Variants in RBFOX1 observed in about 807,000 individuals in gnomAD.
RBFOX1 encodes the protein RNA binding fox-1 homolog 1.
Under a neutral mutation model 57.7 loss-of-function variants are expected in RBFOX1, and 8 were observed. The ratio of observed to expected loss-of-function variants is 0.14; its 90% CI spans 0.08 to 0.25. RBFOX1 has a LOEUF of 0.25. Ranked by LOEUF, RBFOX1 falls within the 10% of genes least tolerant of loss-of-function variation. The pLI is 1.00. For synonymous variants in RBFOX1, 326 were observed against 222.4 expected (o/e 1.47, Z -4.15); for missense variants, 611 against 548.5 (o/e 1.11, Z -1.14).
intron 4 of RBFOX1, among the ~76,000 whole-genome samples, chr16:7,515,651 G>A (rs117664234): frequency 0.021 from 3,175 of 152,202 alleles, 49 homozygotes; most frequent in Non-Finnish European, 0.032. Context: ...TTAAAATATG[G>A]GACATTTACT....
intron 4 of RBFOX1, among the ~76,000 whole-genome samples, chr16:5,951,997 G>A (rs1191744181): frequency 6.7e-6 from 1 of 150,264 alleles, no homozygotes; most frequent in Non-Finnish European, 1.5e-5. Context: ...ATATATATAT[G>A]TGTGTGTGTA....
chr16:6,695,125 G>GA (rs758550750), intron 3 of RBFOX1, among the ~76,000 whole-genome samples: 88 of 151,592 alleles, frequency 5.8e-4, no homozygotes, highest in Middle Eastern at 6.8e-3. Context: ...GTGTAAAAAG[G>GA]AAAAAAAACA....
chr16:6,132,781 G>T (rs1383491642), intron 1 of RBFOX1, among the ~76,000 whole-genome samples: 5 of 152,078 alleles, frequency 3.3e-5, no homozygotes, highest in Non-Finnish European at 7.4e-5. Context: ...TAGGTCAGGA[G>T]TTCAAGACCA....
chr16:6,714,894 G>T (rs544876304), intron 3 of RBFOX1, among the ~76,000 whole-genome samples: 3 of 152,270 alleles, frequency 2.0e-5, no homozygotes, highest in African/African-American at 7.2e-5. Context: ...AAGGCACCTG[G>T]AAATAAGGAA....
At chr16:6,816,916 T>C (rs1258175396) in intron 3 of RBFOX1, among the ~76,000 whole-genome samples, 1 of 151,952 alleles carries the variant, frequency 6.6e-6, no homozygotes, top group African/African-American at 2.4e-5. Flanking sequence ...AGCTGTTTTT[T>C]TTGTATTTTT....
chr16:5,297,644 G>T (rs1173087621), intron 1 of RBFOX1, among the ~76,000 whole-genome samples: 1 of 152,004 alleles, frequency 6.6e-6, no homozygotes, highest in African/African-American at 2.4e-5. Flanking sequence ...ATATATTCTA[G>T]CCTTATCAGA....
intron 3 of RBFOX1, among the ~76,000 whole-genome samples, chr16:6,786,619 G>A (rs1290484284): frequency 6.6e-6 from 1 of 152,158 alleles, no homozygotes; most frequent in Non-Finnish European, 1.5e-5. Flanking sequence ...TCCTTATGAA[G>A]GGGATGAGGA....
chr16:5,283,663 C>T (rs1329961110), intron 1 of RBFOX1, among the ~76,000 whole-genome samples: 2 of 152,150 alleles, frequency 1.3e-5, no homozygotes, highest in Non-Finnish European at 2.9e-5. Flanking sequence ...TTGCGTGGGG[C>T]CTGTAGCCCC....
intron 2 of RBFOX1, chr16:6,483,241 G>T: frequency 3.2e-6 from 4 of 1,245,952 alleles, no homozygotes; most frequent in South Asian, 5.1e-5. Context: ...TGGCGCCGCC[G>T]TGGCCTCCCT....
intron 5 of RBFOX1, among the ~76,000 whole-genome samples, chr16:7,542,807 C>G (rs2083312973): frequency 1.6e-5 from 1 of 63,814 alleles, no homozygotes; most frequent in Admixed American, 1.2e-4. Context: ...GCAAGACTGT[C>G]TGAGGAAAAA....
At position 6,422,623 on chromosome 16, in the gene RBFOX1, G is replaced by A. The variant is rs543615617; in HGVS notation, c.-64+105566G>A. Among the ~76,000 whole-genome samples, 9 of 152,250 alleles carry A rather than the reference G, an allele frequency of 5.9e-5. No individual in the cohort carries two copies. The South Asian group carries it at 6.2e-4, about 11-fold the overall frequency. On this transcript the variant is annotated intron_variant, in intron 2 of 15. Coordinates refer to ENST00000550418, the MANE Select transcript of RBFOX1 (RefSeq NM_018723.4). Reference sequence around the variant, plus strand: ...TCCAATCATGGCAGAAGACAAAGGCGGAGTAAGGTGACTCACATGGCAGGA... The same window carrying A: ...TCCAATCATGGCAGAAGACAAAGGCAGAGTAAGGTGACTCACATGGCAGGA...
At chr16:6,821,099 C>T (rs540236787) in intron 3 of RBFOX1, among the ~76,000 whole-genome samples, 2 of 152,280 alleles carry the variant, frequency 1.3e-5, no homozygotes, top group African/African-American at 2.4e-5. Flanking sequence ...AAGTATCAAG[C>T]CACTACACCA....
intron 1 of RBFOX1, among the ~76,000 whole-genome samples, chr16:5,316,865 T>A (rs1285493323): frequency 1.3e-5 from 2 of 152,102 alleles, no homozygotes; most frequent in African/African-American, 2.4e-5. Context: ...GTGCACTGAG[T>A]GGGGAAGATT....
intron 5 of RBFOX1, among the ~76,000 whole-genome samples, chr16:7,520,138 G>A (rs999305783): frequency 2.7e-5 from 4 of 149,616 alleles, no homozygotes; most frequent in African/African-American, 7.3e-5. Flanking sequence ...GCCTGTCTCG[G>A]CCTCCCAAAG....
intron 3 of RBFOX1, among the ~76,000 whole-genome samples, chr16:6,837,072 G>GAC (rs2093153755): frequency 6.6e-6 from 1 of 152,154 alleles, no homozygotes; most frequent in East Asian, 1.9e-4. Flanking sequence ...AGTTGGAAAT[G>GAC]ATATATATTG....
intron 2 of RBFOX1, among the ~76,000 whole-genome samples, chr16:6,500,168 C>T (rs1031447054): frequency 2.6e-5 from 4 of 152,180 alleles, no homozygotes; most frequent in Non-Finnish European, 5.9e-5. Flanking sequence ...CACGCCAACT[C>T]TTTTTAAATA....
chr16:5,678,759 G>A (rs938877152), intron 3 of RBFOX1, among the ~76,000 whole-genome samples: 3 of 152,208 alleles, frequency 2.0e-5, no homozygotes, highest in African/African-American at 7.2e-5. Flanking sequence ...AGATGAAGGT[G>A]GTGGCATTGT....
intron 3 of RBFOX1, among the ~76,000 whole-genome samples, chr16:6,976,908 A>G (rs2153580360): frequency 6.9e-6 from 1 of 144,904 alleles, no homozygotes; most frequent in Non-Finnish European, 1.5e-5. Context: ...TATATCATAT[A>G]TATCACATAT....
intron 3 of RBFOX1, among the ~76,000 whole-genome samples, chr16:5,722,516 G>C (rs1434241893): frequency 2.6e-5 from 4 of 152,162 alleles, no homozygotes; most frequent in Non-Finnish European, 4.4e-5. Context: ...TGTCCCCAGG[G>C]GATCAAGGGG....
Sources: allele counts gnomAD v4.1 joint callset (sites outside exome capture counted in the v4.1 genomes callset), GRCh38; gene constraint gnomAD v4.1.1; transcripts MANE v1.5; gene names NCBI Gene and HGNC (gene_info 2026-07-23, HGNC 2026-07-21).